The following LINGO2 variants were observed in gnomAD, a reference collection of about 807,000 sequenced individuals.
The protein encoded by LINGO2 is leucine-rich repeat and immunoglobulin-like domain-containing nogo receptor-interacting protein 2.
A neutral mutation model predicts 30.6 loss-of-function variants in LINGO2; 14 were observed. The ratio of observed to expected loss-of-function variants is 0.46; its 90% CI spans 0.30 to 0.72. The LOEUF (loss-of-function observed/expected upper bound fraction) is 0.72, where lower values mean the gene tolerates loss of function less well. LINGO2 is among the 30% of genes least tolerant of loss of function. The pLI, the probability that LINGO2 is intolerant of heterozygous loss-of-function variation, is 0.07. For synonymous variants in LINGO2, 317 were observed against 288.5 expected, an observed-to-expected ratio of 1.10 and a Z score of -1.00; for missense variants, 729 against 751.7, an observed-to-expected ratio of 0.97 and a Z score of 0.35.
At chr9:29,100,513 G>A in the LINGO2 span, among the ~76,000 whole-genome samples, 3 of 151,700 alleles carry the variant, frequency 2.0e-5, no homozygotes, top group Non-Finnish European at 4.4e-5. Flanking sequence ...AGAATCACTT[G>A]AACCCAGGAG....
the LINGO2 span, among the ~76,000 whole-genome samples, chr9:29,056,584 C>G: frequency 6.6e-6 from 1 of 152,136 alleles, no homozygotes. Flanking sequence ...TCTGCAGAAG[C>G]TTTTTAGTTT....
chr9:27,969,490 T>C (rs533677743), intron 5 of LINGO2, among the ~76,000 whole-genome samples: 2 of 152,244 alleles, frequency 1.3e-5, no homozygotes, highest in African/African-American at 4.8e-5. Context: ...ATAATAAAAA[T>C]ACTTATGACA....
the LINGO2 span, among the ~76,000 whole-genome samples, chr9:29,206,064 C>A: frequency 6.6e-6 from 1 of 152,110 alleles, no homozygotes; most frequent in African/African-American, 2.4e-5. Context: ...GTATTTCATT[C>A]CTTTTCACTG....
rs114245657 is a variant in LINGO2, at chr9:28,537,062, T to C, written c.-364-61037A>G. On this transcript the variant is annotated intron_variant, in intron 1 of 5. Coordinates refer to ENST00000379992, the Ensembl canonical transcript of LINGO2. ...AGGCATGCACACAGGGATAACACCA[T>C]GTGAAGTTTAAACAGGAAACTGACA... Among the ~76,000 whole-genome samples the C allele has an allele frequency of 5.1e-3, 775 of 151,996 alleles. 7 individuals are homozygous for C. The highest frequency in any genetic ancestry group is 0.017 in the African/African-American group (715 of 41,490).
chr9:28,032,128 A>G (rs1416902586), intron 4 of LINGO2, among the ~76,000 whole-genome samples: 1 of 151,882 alleles, frequency 6.6e-6, no homozygotes, highest in East Asian at 1.9e-4. Flanking sequence ...GCCTTTGAAA[A>G]CCGATTGCTC....
the LINGO2 span, among the ~76,000 whole-genome samples, chr9:28,702,867 G>C: frequency 4.7e-4 from 71 of 151,560 alleles, 1 homozygote; most frequent in African/African-American, 1.7e-3. Flanking sequence ...ATTTCATCTC[G>C]GTTTTCAAGA....
chr9:29,089,141 G>A, the LINGO2 span, among the ~76,000 whole-genome samples: 1 of 151,786 alleles, frequency 6.6e-6, no homozygotes, highest in Admixed American at 6.6e-5. Context: ...CATTTTTACT[G>A]TAGGCATAAA....
the LINGO2 span, among the ~76,000 whole-genome samples, chr9:28,905,788 T>C: frequency 1.3e-5 from 2 of 152,050 alleles, no homozygotes; most frequent in Admixed American, 1.3e-4. Flanking sequence ...TGTCATATGA[T>C]CCAGCAATCC....
chr9:27,975,653 G>A (rs982964547), intron 5 of LINGO2, among the ~76,000 whole-genome samples: 7 of 152,096 alleles, frequency 4.6e-5, no homozygotes, highest in African/African-American at 7.2e-5. Context: ...TAATTTTGAC[G>A]TAAATTTTGT....
At chr9:28,981,365 G>C in the LINGO2 span, among the ~76,000 whole-genome samples, 23 of 84,158 alleles carry the variant, frequency 2.7e-4, no homozygotes, top group African/African-American at 7.1e-4. Context: ...CTCTACTTAA[G>C]ATCCTTAGAT....
chr9:28,351,668 GAT>G (rs1412507061), intron 3 of LINGO2, among the ~76,000 whole-genome samples: 3 of 149,848 alleles, frequency 2.0e-5, no homozygotes, highest in Admixed American at 6.7e-5. Context: ...GCATCATTCT[GAT>G]ACCAAAGCCA....
rs1474005630 is a variant in LINGO2, at chr9:27,989,467, GTGTGTGTGTGTA to G, written c.-36+22876_-36+22887del. 2.4e-5 allele frequency among the ~76,000 whole-genome samples: 3 copies of G among 126,520 alleles called. No individual in the cohort carries two copies. The East Asian group carries it at 7.2e-4, about 30-fold the overall frequency. 83.0% of individuals were successfully genotyped at this position (126,520 alleles called of 152,430 possible). A position where few individuals can be genotyped will look rare whatever the true frequency, so the allele number is the denominator to read the frequency against. ...TCTCTGTGTGTGTGTGTGTGTGTGT[GTGTGTGTGTGTA>G]TGTGTGCAGGAATACAGAAAATATC... On this transcript the variant is annotated intron_variant, in intron 5 of 5. Transcript: ENST00000379992.
At chr9:27,960,733 T>TA (rs1563858303) in intron 5 of LINGO2, among the ~76,000 whole-genome samples, 1 of 151,968 alleles carries the variant, frequency 6.6e-6, no homozygotes, top group Non-Finnish European at 1.5e-5. Context: ...TCTCTGCCTT[T>TA]TGTTATACTG....
the LINGO2 span, among the ~76,000 whole-genome samples, chr9:28,697,392 C>T: frequency 1.3e-5 from 2 of 151,864 alleles, no homozygotes; most frequent in South Asian, 4.1e-4. Flanking sequence ...TTTCACTTTA[C>T]AGAATAAAAA....
intron 4 of LINGO2, among the ~76,000 whole-genome samples, chr9:28,239,430 C>T (rs1020240202): frequency 9.9e-5 from 15 of 152,006 alleles, no homozygotes; most frequent in African/African-American, 3.6e-4. Flanking sequence ...TTAAAAATAT[C>T]ATTCATCATG....
chr9:28,669,715 T>A (rs1828942726), intron 1 of LINGO2, among the ~76,000 whole-genome samples: 1 of 151,888 alleles, frequency 6.6e-6, no homozygotes, highest in Non-Finnish European at 1.5e-5. Context: ...GTGGGGGAAA[T>A]AAAAAGAAAA....
At chr9:29,014,796 G>C in the LINGO2 span, among the ~76,000 whole-genome samples, 2 of 152,100 alleles carry the variant, frequency 1.3e-5, no homozygotes, top group African/African-American at 4.8e-5. Context: ...TGCAGGCCCT[G>C]GAATATGGGT....
intron 4 of LINGO2, among the ~76,000 whole-genome samples, chr9:28,279,688 T>C (rs1823251098): frequency 6.6e-6 from 1 of 152,172 alleles, no homozygotes. Context: ...TTCATGTGAC[T>C]TGCTTTACTG....
chr9:28,438,245 T>G (rs909071761), intron 2 of LINGO2, among the ~76,000 whole-genome samples: 4 of 152,176 alleles, frequency 2.6e-5, no homozygotes, highest in African/African-American at 9.6e-5. Context: ...AGTAAAACAT[T>G]ATTTCCATGT....
Sources: allele counts gnomAD v4.1 joint callset (sites outside exome capture counted in the v4.1 genomes callset), GRCh38; gene constraint gnomAD v4.1.1; transcripts MANE v1.5; gene names NCBI Gene and HGNC (gene_info 2026-07-23, HGNC 2026-07-21).